The following DIP2A variants were observed in gnomAD, a reference collection of about 807,000 sequenced individuals.
DIP2A encodes the protein disco-interacting protein 2 homolog A.
Under a neutral mutation model 177.4 loss-of-function variants are expected in DIP2A, and 85 were observed. The ratio of observed to expected loss-of-function variants is 0.48; its 90% CI spans 0.40 to 0.57. DIP2A has a LOEUF of 0.57. Ranked by LOEUF, DIP2A falls within the 20% of genes least tolerant of loss-of-function variation. The pLI, the probability that DIP2A is intolerant of heterozygous loss-of-function variation, is 0.00. For missense variants in DIP2A, 1,791 were observed against 2,100.2 expected, an observed-to-expected ratio of 0.85 and a Z score of 2.88; for synonymous variants, 886 against 881.8, an observed-to-expected ratio of 1.00 and a Z score of -0.08.
chr21:46,484,653 G>T, intron 1 of DIP2A, 104 bp from the exon 2 acceptor site: 1 of 960,474 alleles, frequency 1.0e-6, no homozygotes, highest in Non-Finnish European at 1.5e-6. Flanking sequence ...ACACTTCATG[G>T]AAGGACATCA....
At chr21:46,547,652 G>T (rs1469927139) in intron 21 of DIP2A, among the ~76,000 whole-genome samples, 1 of 140,126 alleles carries the variant, frequency 7.1e-6, no homozygotes, top group Non-Finnish European at 1.5e-5. Flanking sequence ...TCTCAAGGGG[G>T]TGCCTTTTTT....
rs565143551 is a variant in DIP2A, at chr21:46,559,899, T to G, written c.3970-823T>G. On this transcript the variant is annotated intron_variant, in intron 32 of 37. Coordinates refer to ENST00000417564, the MANE Select transcript of DIP2A (RefSeq NM_015151.4). ...GACCTTGACCTTGTTGGTGCCTCTG[T>G]GCTTCCCCCTCCCATGAGTTCATGT... is the stretch of plus-strand genomic sequence containing the variant. Among the ~76,000 whole-genome samples, 3 of 152,344 alleles carry G rather than the reference T, an allele frequency of 2.0e-5. No homozygotes were observed. The East Asian group carries it at 5.8e-4, about 29-fold the overall frequency.
At chr21:46,562,450 G>A (rs2070430) in intron 34 of DIP2A, among the ~76,000 whole-genome samples, 73,474 of 152,034 alleles carry the variant, frequency 0.48, 18,014 homozygotes, top group East Asian at 0.58. Context: ...CAGAGGCAAG[G>A]GAAGGAGCTT....
rs1211872195 is a variant in DIP2A at position 46,558,245 on chromosome 21, G to A, written c.3821G>A (p.Cys1274Tyr). ...CAGATGAAGGGGGTGAACCTGTCAT[G>A]TGTGCGCACGTGCATGGTGGTCGCC... Reference protein sequence around the residue: ...VLRMKGVNLSCVRTCMVVAEE... With the variant: ...VLRMKGVNLSYVRTCMVVAEE... Residue 1274 changes from cysteine to tyrosine, a missense_variant, in exon 32 of 38, where the codon TGT becomes TAT. Physicochemically the swap from Cys to Tyr is radical, Grantham distance 194 (BLOSUM62 -2). Transcript: ENST00000417564. 1.9e-6 allele frequency: 3 copies of A among 1,612,466 alleles called. No homozygotes were observed. The highest frequency in any genetic ancestry group is 1.7e-5 in the Admixed American group (1 of 59,968).
rs1418467775 is a variant in DIP2A, at chr21:46,569,627, G to A, written c.*2005G>A. The A allele has an allele frequency of 6.6e-6, 1 of 152,172 alleles. No individual in the cohort carries two copies. The highest frequency in any genetic ancestry group is 1.5e-5 in the Non-Finnish European group (1 of 68,030). The allele number at this position is 152,172 out of a possible 1,614,324, so 9.4% of individuals were successfully genotyped here. The stretch of plus-strand genomic sequence containing the variant: ...AAGATTTTAAGAAGTGCATTAAAAT[G>A]TTTTAGAATTACTCTGGGAATTCTG... On this transcript the variant is annotated 3_prime_UTR_variant, in exon 38 of 38. Transcript: ENST00000417564.
intron 8 of DIP2A, among the ~76,000 whole-genome samples, chr21:46,524,100 C>T (rs1458744593): frequency 6.6e-6 from 1 of 152,226 alleles, no homozygotes. Context: ...AGAAAAAATG[C>T]TCCCATGTTC....
Position 46,569,969 on chromosome 21 carries a change from T to A in DIP2A, c.*2347T>A, listed in dbSNP as rs1021123176. 5.3e-5 allele frequency: 8 copies of A among 152,374 alleles called. No individual in the cohort carries two copies. The highest frequency in any genetic ancestry group is 1.9e-4 in the African/African-American group (8 of 41,592). 9.4% of individuals were successfully genotyped at this position (152,374 alleles called of 1,614,324 possible). ...ACAAAATTAGGATCAAGTGCTTTTT[T>A]AAATAATTTGCTTTTGTACTTAATA... On this transcript the variant is annotated 3_prime_UTR_variant, in exon 38 of 38. Transcript: ENST00000417564.
At position 46,459,182 on chromosome 21, in the gene DIP2A, G is replaced by T. The variant is rs2054044273; in HGVS notation, c.51G>T (p.Val17=). ...AGGCGGCGCCGCTGCCTGCCGAGGT[G>T]CGGGAGAGCCTGGCTGAGCTGGAGC... ...PLEAAPLPAE[V]RESLAELELE... Residue 17 remains valine, a synonymous_variant, in exon 1 of 38, where the codon GTG becomes GTT. Transcript: ENST00000417564. The T allele has an allele frequency of 6.6e-7, 1 of 1,525,230 alleles. No homozygotes were observed. Among genetic ancestry groups the T allele is most frequent in the Non-Finnish European group, 8.8e-7 (1 of 1,136,942 alleles). 94.5% of individuals were successfully genotyped at this position (1,525,230 alleles called of 1,614,324 possible).
chr21:46,480,698 C>G (rs904932039), intron 1 of DIP2A, among the ~76,000 whole-genome samples: 6 of 152,212 alleles, frequency 3.9e-5, no homozygotes, highest in Admixed American at 1.3e-4. Context: ...GGAATAAACA[C>G]TGGCAGCTGT....
intron 37 of DIP2A, 94 bp from the exon 38 acceptor site, chr21:46,567,276 T>C: frequency 1.3e-6 from 2 of 1,516,926 alleles, no homozygotes; most frequent in Non-Finnish European, 1.8e-6. Context: ...ATTGGTGGGC[T>C]TCACTCTTCT....
chr21:46,464,855 C>T (rs938470139), intron 1 of DIP2A, among the ~76,000 whole-genome samples: 3 of 52,572 alleles, frequency 5.7e-5, no homozygotes, highest in African/African-American at 2.0e-4. Context: ...CAAGAAAACA[C>T]ACAACAAATG....
At chr21:46,525,973 A>G (rs945099099) in intron 8 of DIP2A, among the ~76,000 whole-genome samples, 1 of 151,208 alleles carries the variant, frequency 6.6e-6, no homozygotes, top group African/African-American at 2.4e-5. Context: ...CAATGGCACA[A>G]TCTCAGCTCA....
chr21:46,551,783 T>C (rs753347789), intron 24 of DIP2A, 40 bp downstream of exon 24: 4 of 1,613,288 alleles, frequency 2.5e-6, no homozygotes, highest in Admixed American at 1.7e-5. Flanking sequence ...CGGGTGTCTG[T>C]GCCCCGGAGG....
intron 9 of DIP2A, among the ~76,000 whole-genome samples, chr21:46,531,569 A>G (rs140657238): frequency 1.3e-5 from 2 of 152,378 alleles, no homozygotes; most frequent in African/African-American, 4.8e-5. Flanking sequence ...AAAGACTTTC[A>G]GATTCTTGAC....
chr21:46,547,259 A>T, intron 21 of DIP2A: 1 of 1,295,218 alleles, frequency 7.7e-7, no homozygotes, highest in South Asian at 2.1e-5. Context: ...TTCCTTAAGA[A>T]AATAAGGTTT....
intron 8 of DIP2A, among the ~76,000 whole-genome samples, chr21:46,528,264 A>G (rs2148730170): frequency 6.6e-6 from 1 of 152,320 alleles, no homozygotes; most frequent in Middle Eastern, 3.4e-3. Flanking sequence ...TTAACATGTT[A>G]AAACAAAGAT....
At chr21:46,538,661 A>T in intron 16 of DIP2A, 59 bp downstream of exon 16, 1 of 1,530,048 alleles carries the variant, frequency 6.5e-7, no homozygotes, top group Non-Finnish European at 8.8e-7. Context: ...TGCAAACCAA[A>T]GTAGAATACA....
At chr21:46,462,987 T>G (rs1188844795) in intron 1 of DIP2A, 2 of 152,246 alleles carry the variant, frequency 1.3e-5, no homozygotes, top group African/African-American at 4.8e-5. Context: ...ATTTCTGTTA[T>G]AGATTCCCAA....
the DIP2A span, among the ~76,000 whole-genome samples, chr21:46,580,050 G>A: frequency 6.6e-6 from 1 of 152,188 alleles, no homozygotes; most frequent in Non-Finnish European, 1.5e-5. Flanking sequence ...ACAGTGGGGT[G>A]TTAAAGTCTC....
Sources: allele counts gnomAD v4.1 joint callset (sites outside exome capture counted in the v4.1 genomes callset), GRCh38; gene constraint gnomAD v4.1.1; transcripts MANE v1.5; gene names NCBI Gene and HGNC (gene_info 2026-07-23, HGNC 2026-07-21).